SECISBP2L: variants seen among roughly 807,000 people sequenced by gnomAD.
SECISBP2L encodes selenocysteine insertion sequence-binding protein 2-like.
Under a neutral mutation model 114.7 loss-of-function variants are expected in SECISBP2L, and 43 were observed. The ratio of observed to expected loss-of-function variants is 0.38; its 90% CI spans 0.29 to 0.48. SECISBP2L has a LOEUF of 0.48. SECISBP2L is among the 20% of genes least tolerant of loss of function. SECISBP2L has a pLI of 0.98. For missense variants in SECISBP2L, 1,136 were observed against 1,301.1 expected, an observed-to-expected ratio of 0.87 and a Z score of 1.95; for synonymous variants, 451 against 439.7, an observed-to-expected ratio of 1.03 and a Z score of -0.32.
chr15:49,005,560 CTTTTTTTTTTTTTTT>C (rs752466722), intron 14 of SECISBP2L, among the ~76,000 whole-genome samples: 1,226 of 36,830 alleles, frequency 0.033, 48 homozygotes, highest in African/African-American at 0.15. Context: ...GCAACCCCTG[CTTTTTTTTTTTTTTT>C]TTTTTTTTTT....
In SECISBP2L at chr15:48,988,798, G is replaced by GT. The variant is rs759908907; in HGVS notation, c.*3445dup. ...GTTATAACTCACACTAATTTTGCTA[G>GT]TTTTTTATTAGAGCATTACAATTAA... On this transcript the variant is annotated 3_prime_UTR_variant, in exon 18 of 18. Coordinates refer to ENST00000559471, the MANE Select transcript of SECISBP2L (RefSeq NM_001193489.2). The GT allele has an allele frequency of 4.4e-6, 1 of 225,074 alleles. No individual in the cohort carries two copies. The highest frequency in any genetic ancestry group is 6.2e-5 in the South Asian group (1 of 16,254). 13.9% of individuals were successfully genotyped at this position (225,074 alleles called of 1,614,324 possible). A position where few individuals can be genotyped will look rare whatever the true frequency, so the allele number is the denominator to read the frequency against.
At position 49,017,021 on chromosome 15, in the gene SECISBP2L, A is replaced by G. The variant is rs1902550364; in HGVS notation, c.1252-6T>C. 1 of 1,608,622 alleles carries G rather than the reference A, an allele frequency of 6.2e-7. No individual in the cohort carries two copies. The highest frequency in any genetic ancestry group is 1.1e-5 in the South Asian group (1 of 89,814). ...TTTTCAGGTAAATCATCCAACTATG[A>G]TAACCAGAAAAAACACATTTGTTAG... On this transcript the variant is annotated splice_polypyrimidine_tract_variant and splice_region_variant and intron_variant, in intron 9 of 17. Transcript: ENST00000559471.
At chr15:48,998,886 A>G (rs1315872966) in intron 16 of SECISBP2L, among the ~76,000 whole-genome samples, 1 of 152,236 alleles carries the variant, frequency 6.6e-6, no homozygotes, top group African/African-American at 2.4e-5. Context: ...TCACAATATC[A>G]TTCAACAAAC....
chr15:49,046,163 T>A, intron 1 of SECISBP2L, 113 bp downstream of exon 1: 4 of 1,234,358 alleles, frequency 3.2e-6, no homozygotes, highest in Non-Finnish European at 4.5e-6. Flanking sequence ...GGTGAGGGGG[T>A]CTGCGGCCGC....
At chr15:49,043,367 CATT>C (rs1480714775) in intron 1 of SECISBP2L, among the ~76,000 whole-genome samples, 1 of 152,038 alleles carries the variant, frequency 6.6e-6, no homozygotes, top group Non-Finnish European at 1.5e-5. Flanking sequence ...AAATTAAAGA[CATT>C]AATAACTAGT....
intron 17 of SECISBP2L, chr15:48,995,855 T>A (rs980222445): frequency 1.9e-5 from 3 of 154,724 alleles, no homozygotes; most frequent in African/African-American, 7.2e-5. Context: ...TATTCACGTC[T>A]GTAGTTTACT....
chr15:49,027,807 C>T (rs1902778693), intron 6 of SECISBP2L, among the ~76,000 whole-genome samples: 1 of 152,068 alleles, frequency 6.6e-6, no homozygotes, highest in African/African-American at 2.4e-5. Flanking sequence ...GATTGGGTTT[C>T]ATCATGTTGG....
intron 12 of SECISBP2L, among the ~76,000 whole-genome samples, chr15:49,012,185 A>G (rs1902450165): frequency 6.6e-6 from 1 of 152,164 alleles, no homozygotes. Context: ...ATACAGTTAC[A>G]TTTGATTGAC....
At position 48,992,333 on chromosome 15, in the gene SECISBP2L, G is replaced by A; in HGVS notation, c.3217C>T (p.Gln1073Ter). The A allele has an allele frequency of 1.2e-6, 2 of 1,614,140 alleles. No individual in the cohort carries two copies. Among genetic ancestry groups the A allele is most frequent in the South Asian group, 1.1e-5 (1 of 91,084 alleles). The change falls in exon 18 of 18, where the codon CAG (glutamine) becomes TAG (stop). Residue 1073 changes from glutamine to a stop codon, truncating the protein, a stop_gained. Coordinates refer to ENST00000559471, the MANE Select transcript of SECISBP2L (RefSeq NM_001193489.2). LOFTEE classifies it low-confidence loss of function (END_TRUNC). ...MDSEAWTADQ[Q>*]ASPGQQKSSN... The stretch of plus-strand genomic sequence containing the variant: ...GACTTCTGCTGCCCAGGACTGGCCT[G>A]CTGGTCAGCAGTCCATGCCTCACTG...
At chr15:49,046,189 TC>T (rs1903245681) in intron 1 of SECISBP2L, 86 bp downstream of exon 1, 1 of 1,467,520 alleles carries the variant, frequency 6.8e-7, no homozygotes, top group East Asian at 2.7e-5. Flanking sequence ...CGGCCCCCGG[TC>T]CCCACGTTCG....
chr15:49,028,095 A>G, intron 6 of SECISBP2L, 49 bp downstream of exon 6: 1 of 1,521,820 alleles, frequency 6.6e-7, no homozygotes, highest in Non-Finnish European at 8.9e-7. Context: ...AAACTCTGAT[A>G]TGGACAAAGT....
At position 49,009,380 on chromosome 15, in the gene SECISBP2L, T is replaced by G; in HGVS notation, c.1865-2A>C. 1 of 1,603,740 alleles carries G rather than the reference T, an allele frequency of 6.2e-7. No homozygotes were observed. Among genetic ancestry groups the G allele is most frequent in the African/African-American group, 1.3e-5 (1 of 74,568 alleles). On this transcript the variant is annotated splice_acceptor_variant, in intron 13 of 17. Coordinates refer to ENST00000559471, the MANE Select transcript of SECISBP2L (RefSeq NM_001193489.2). LOFTEE classifies it high-confidence loss of function. ...CACTGGGCATGCTTAGTCCAGTATC[T>G]GTGGAGATGTGGAGTGAAGGGAAAA...
chr15:49,013,860 C>T (rs1158421607), intron 11 of SECISBP2L, among the ~76,000 whole-genome samples: 1 of 152,124 alleles, frequency 6.6e-6, no homozygotes, highest in Non-Finnish European at 1.5e-5. Flanking sequence ...TTCCTATACC[C>T]TTGCATCTTT....
At chr15:49,001,509 G>C (rs1054867520) in intron 14 of SECISBP2L, among the ~76,000 whole-genome samples, 8 of 149,346 alleles carry the variant, frequency 5.4e-5, no homozygotes, top group Non-Finnish European at 1.0e-4. Context: ...TACAGGTGCA[G>C]AACATGCAGG....
In SECISBP2L at chr15:49,002,170, T is replaced by C. The variant is rs907144260; in HGVS notation, c.2028-1073A>G. Reference sequence around the variant, plus strand: ...CTATTCTAACTGGCATGAGATGGTATCTCATTGTGGTTTTGATTTGCATTT... The same window carrying C: ...CTATTCTAACTGGCATGAGATGGTACCTCATTGTGGTTTTGATTTGCATTT... On this transcript the variant is annotated intron_variant, in intron 14 of 17. Transcript: ENST00000559471. Among the ~76,000 whole-genome samples, 3 of 152,366 alleles carry C rather than the reference T, an allele frequency of 2.0e-5. No homozygotes were observed. In the East Asian group the frequency reaches 5.8e-4, roughly 29 times the overall value.
intron 17 of SECISBP2L, chr15:48,996,129 G>A (rs1027423775): frequency 4.5e-6 from 2 of 448,118 alleles, no homozygotes; most frequent in Non-Finnish European, 8.0e-6. Context: ...GCTTTTTAAA[G>A]CCCCTGAGGC....
chr15:49,036,425 T>A (rs1177345988), intron 2 of SECISBP2L, among the ~76,000 whole-genome samples: 1 of 152,242 alleles, frequency 6.6e-6, no homozygotes, highest in Non-Finnish European at 1.5e-5. Flanking sequence ...TAGTAAAATG[T>A]TCACGGCCAT....
intron 16 of SECISBP2L, among the ~76,000 whole-genome samples, chr15:48,999,239 C>T (rs1902155061): frequency 6.6e-6 from 1 of 152,148 alleles, no homozygotes; most frequent in Non-Finnish European, 1.5e-5. Context: ...TCACAAAGTA[C>T]TTCAGAATCA....
Position 48,996,449 on chromosome 15 carries a change from A to G in SECISBP2L, c.2541T>C (p.Ser847=), listed in dbSNP as rs1338030076. The G allele has an allele frequency of 2.5e-6, 4 of 1,614,042 alleles. No individual in the cohort carries two copies. In the African/African-American group the frequency reaches 4.0e-5, roughly 16 times the overall value. The part of the protein sequence containing the change: ...VKKVPHHMGH[S]RNPSAASAIS... Reference sequence around the variant, plus strand: ...TGGCACTTGCTGCAGAGGGATTCCGAGAATGTCCCATGTGGTGTGGTACCT... The same window carrying G: ...TGGCACTTGCTGCAGAGGGATTCCGGGAATGTCCCATGTGGTGTGGTACCT... Residue 847 remains serine, a synonymous_variant, in exon 17 of 18, where the codon TCT becomes TCC. Transcript: ENST00000559471.
Sources: allele counts gnomAD v4.1 joint callset (sites outside exome capture counted in the v4.1 genomes callset), GRCh38; gene constraint gnomAD v4.1.1; transcripts MANE v1.5; gene names NCBI Gene and HGNC (gene_info 2026-07-23, HGNC 2026-07-21).